Variants in PDCD7 observed in about 807,000 individuals in gnomAD.
PDCD7 encodes the protein programmed cell death 7, also known as programmed cell death protein 7.
In PDCD7, 40 loss-of-function variants were observed where a neutral mutation model predicts 42.1. That is an observed-to-expected ratio of 0.95 (90% CI 0.74 to 1.24). The LOEUF (loss-of-function observed/expected upper bound fraction) is 1.24, where lower values mean the gene tolerates loss of function less well. PDCD7 is among the 50% of genes most tolerant of loss of function. The pLI, the probability that PDCD7 is intolerant of heterozygous loss-of-function variation, is 0.00. For missense variants in PDCD7, 644 were observed against 662.8 expected (o/e 0.97, Z 0.31); for synonymous variants, 299 against 303.3 (o/e 0.99, Z 0.15).
chr15:65,121,764 G>C (rs2087456716), intron 2 of PDCD7, among the ~76,000 whole-genome samples: 1 of 152,170 alleles, frequency 6.6e-6, no homozygotes, highest in South Asian at 2.1e-4. Flanking sequence ...AAGAATTACT[G>C]CTAATTTTTT....
intron 2 of PDCD7, among the ~76,000 whole-genome samples, chr15:65,125,668 A>G (rs1440766274): frequency 6.6e-6 from 1 of 152,212 alleles, no homozygotes; most frequent in Non-Finnish European, 1.5e-5. Context: ...TAAGTACTTT[A>G]CACATATTTA....
intron 4 of PDCD7, 157 bp downstream of exon 4, chr15:65,119,219 T>C (rs1322431672): frequency 1.2e-5 from 7 of 581,794 alleles, no homozygotes; most frequent in Admixed American, 6.2e-5. Flanking sequence ...TGCAGCATCC[T>C]TGAAACATGG....
chr15:65,133,741 G>A lies in PDCD7; in HGVS notation c.41C>T (p.Pro14Leu), dbSNP rs921722237. 4.9e-5 allele frequency: 65 copies of A among 1,320,588 alleles called. No individual in the cohort carries two copies. Among genetic ancestry groups the A allele is most frequent in the Non-Finnish European group, 6.0e-5 (62 of 1,031,808 alleles). The allele number at this position is 1,320,588 out of a possible 1,614,324, so 81.8% of individuals were successfully genotyped here. ...PPFFGQGRPG[P>L]PPPQPPPPAP... is the part of the protein sequence containing the mutation. ...AGGAGGCGGCGGCTGCGGGGGCGGTGGGCCTGGGCGACCCTGGCCGAAGAA... is the reference window on the plus strand; with the variant it reads ...AGGAGGCGGCGGCTGCGGGGGCGGTAGGCCTGGGCGACCCTGGCCGAAGAA... Residue 14 changes from proline (P) to leucine (L), a missense_variant, in exon 1 of 5, where the codon CCA becomes CTA. Transcript: ENST00000204549.
chr15:65,122,351 TA>T (rs964295581), intron 2 of PDCD7, among the ~76,000 whole-genome samples: 37 of 148,532 alleles, frequency 2.5e-4, no homozygotes, highest in African/African-American at 8.4e-4. Context: ...AAAATAAATT[TA>T]AAAAAAAAGA....
rs184190840 is a variant in PDCD7, at chr15:65,132,175, T to C, written c.870+737A>G. 2.4e-4 allele frequency among the ~76,000 whole-genome samples: 36 copies of C among 150,858 alleles called. No homozygotes were observed. In the East Asian group the frequency reaches 6.8e-3, roughly 29 times the overall value. ...TGCTCCGAAACACCATTGCTGAACCTGGGGATACATGGTTTAAAACTTGTA... is the reference window on the plus strand; with the variant it reads ...TGCTCCGAAACACCATTGCTGAACCCGGGGATACATGGTTTAAAACTTGTA... On this transcript the variant is annotated intron_variant, in intron 1 of 4. Transcript: ENST00000204549.
chr15:65,129,915 A>AC (rs1566973029), intron 1 of PDCD7, among the ~76,000 whole-genome samples: 1 of 84,956 alleles, frequency 1.2e-5, no homozygotes, highest in African/African-American at 4.6e-5. Context: ...GAAACTTTGT[A>AC]TTTTTTTTTT....
chr15:65,119,274 TAA>T (rs201488755), intron 4 of PDCD7, 100 bp downstream of exon 4: 90 of 572,744 alleles, frequency 1.6e-4, no homozygotes, highest in South Asian at 4.0e-4. Flanking sequence ...TTATGGAACT[TAA>T]AAAAAAAAAG....
intron 2 of PDCD7, 50 bp downstream of exon 2, chr15:65,128,982 G>C (rs376638655): frequency 1.0e-5 from 16 of 1,600,054 alleles, no homozygotes; most frequent in African/African-American, 1.3e-5. Context: ...GGAGGAGCTA[G>C]AGTAAAGAAG....
At position 65,133,224 on chromosome 15, in the gene PDCD7, C is replaced by T; in HGVS notation, c.558G>A (p.Arg186=). 1.4e-6 allele frequency: 2 copies of T among 1,380,218 alleles called. No individual in the cohort carries two copies. The highest frequency in any genetic ancestry group is 1.5e-5 in the African/African-American group (1 of 65,498). 85.5% of individuals were successfully genotyped at this position (1,380,218 alleles called of 1,614,324 possible). A position where few individuals can be genotyped will look rare whatever the true frequency, so the allele number is the denominator to read the frequency against. The stretch of plus-strand genomic sequence containing the variant: ...GGGCCTGGCTCAGGCCGCGCAGCCG[C>T]CGCACCAGGCGCAGAGCCCGGAGCA... ...ARLLRALRLV[R]RLRGLSQALR... The change falls in exon 1 of 5, where the codon CGG becomes CGA. Residue 186 remains arginine, a synonymous_variant. Coordinates refer to ENST00000204549, the MANE Select transcript of PDCD7 (RefSeq NM_005707.2).
At position 65,133,615 on chromosome 15, in the gene PDCD7, AGGAAG is replaced by A; in HGVS notation, c.162_166del (p.Phe55SerfsTer68). The A allele has an allele frequency of 8.0e-7, 1 of 1,243,254 alleles. No individual in the cohort carries two copies. Among genetic ancestry groups the A allele is most frequent in the Non-Finnish European group, 1.0e-6 (1 of 991,924 alleles). The allele number at this position is 1,243,254 out of a possible 1,614,324, so 77.0% of individuals were successfully genotyped here. ...GGGCTGCAGAGCCAGCGGAGGCTGA[AGGAAG>A]GGGGCGGAGGCCCCCGGAAAAGGGC... On this transcript the variant is annotated frameshift_variant, in exon 1 of 5. Transcript: ENST00000204549. LOFTEE classifies it high-confidence loss of function.
At position 65,133,440 on chromosome 15, in the gene PDCD7, C is replaced by G. The variant is rs1268426744; in HGVS notation, c.342G>C (p.Pro114=). The G allele has an allele frequency of 1.7e-6, 2 of 1,191,086 alleles. No individual in the cohort carries two copies. Among genetic ancestry groups the G allele is most frequent in the Admixed American group, 4.5e-5 (1 of 22,168 alleles). 73.8% of individuals were successfully genotyped at this position (1,191,086 alleles called of 1,614,324 possible). Residue 114 remains proline, a synonymous_variant, in exon 1 of 5, where the codon CCG becomes CCC. Transcript: ENST00000204549. ...GERPRPPPPG[P]GPPWSPRWPE... ...GCCACCGCGGGCTCCAGGGCGGCCC[C>G]GGGCCGGGAGGCGGTGGCCGCGGCC...
intron 2 of PDCD7, among the ~76,000 whole-genome samples, chr15:65,127,057 C>A (rs1007217384): frequency 2.0e-5 from 3 of 152,196 alleles, no homozygotes; most frequent in Non-Finnish European, 4.4e-5. Flanking sequence ...CCATACTACC[C>A]GTGCCCAATA....
rs1268064161 is a variant in PDCD7 at position 65,133,662 on chromosome 15, AGGCGGCGGGAAAGCCGGGGAGGGCAGC to A, written c.93_119del (p.Ser34_Pro42del). 2 of 1,263,390 alleles carry A rather than the reference AGGCGGCGGGAAAGCCGGGGAGGGCAGC, an allele frequency of 1.6e-6. No homozygotes were observed. Among genetic ancestry groups the A allele is most frequent in the Non-Finnish European group, 2.0e-6 (2 of 999,410 alleles). 78.3% of individuals were successfully genotyped at this position (1,263,390 alleles called of 1,614,324 possible). ...GAAAAGGGCCGGGCCGCTGGGGGAG[AGGCGGCGGGAAAGCCGGGGAGGGCAGC>A]GGCGGTGGCGGACAGCCGAAAGGAG... On this transcript the variant is annotated inframe_deletion, in exon 1 of 5. Coordinates refer to ENST00000204549, the MANE Select transcript of PDCD7 (RefSeq NM_005707.2).
rs771206606 is a variant in PDCD7, at chr15:65,119,903, C to T, written c.1061G>A (p.Arg354Gln). 1.1e-5 allele frequency: 17 copies of T among 1,613,994 alleles called. No individual in the cohort carries two copies. The highest frequency in any genetic ancestry group is 4.0e-5 in the African/African-American group (3 of 74,918). The change falls in exon 3 of 5, where the codon CGA becomes CAA. Residue 354 changes from arginine to glutamine, a missense_variant. Coordinates refer to ENST00000204549, the MANE Select transcript of PDCD7 (RefSeq NM_005707.2). ...GCGCTTTTTAATGAGTTTTCTCAGT[C>T]GCTGAAGATGATGCGTAAAAGTCTC... Reference protein sequence around the residue: ...ADETFTHHLQRLRKLIKKRSE... With the variant: ...ADETFTHHLQQLRKLIKKRSE...
chr15:65,123,505 A>G (rs766468220), intron 2 of PDCD7, among the ~76,000 whole-genome samples: 6 of 152,178 alleles, frequency 3.9e-5, no homozygotes, highest in Non-Finnish European at 8.8e-5. Context: ...GGTTTTAACA[A>G]TTTATGCTGC....
At chr15:65,125,520 T>C (rs943310657) in intron 2 of PDCD7, among the ~76,000 whole-genome samples, 2 of 152,142 alleles carry the variant, frequency 1.3e-5, no homozygotes, top group Admixed American at 6.5e-5. Flanking sequence ...CCCCCACCAC[T>C]CCACTGAAAT....
In PDCD7 at chr15:65,118,574, A is replaced by G; in HGVS notation, c.*143T>C. ...GGCACCTCTGGCCAGCACAGAGCAC[A>G]GAAGGAAAGCATAACTTCAGGGTAG... On this transcript the variant is annotated 3_prime_UTR_variant, in exon 5 of 5. Coordinates refer to ENST00000204549, the MANE Select transcript of PDCD7 (RefSeq NM_005707.2). 2.4e-6 allele frequency: 2 copies of G among 828,464 alleles called. No individual in the cohort carries two copies. The highest frequency in any genetic ancestry group is 1.8e-5 in the African/African-American group (1 of 56,894). The allele number at this position is 828,464 out of a possible 1,614,324, so 51.3% of individuals were successfully genotyped here. A position where few individuals can be genotyped will look rare whatever the true frequency, so the allele number is the denominator to read the frequency against.
chr15:65,129,205 T>C (rs780417490), intron 1 of PDCD7, 35 bp from the exon 2 acceptor site: 3 of 1,610,384 alleles, frequency 1.9e-6, no homozygotes, highest in Non-Finnish European at 2.5e-6. Flanking sequence ...GACCTCGTAT[T>C]AGGAACAAAC....
At chr15:65,131,480 G>A (rs1330079786) in intron 1 of PDCD7, among the ~76,000 whole-genome samples, 1 of 152,214 alleles carries the variant, frequency 6.6e-6, no homozygotes, top group East Asian at 1.9e-4. Flanking sequence ...CAGGTGCAGT[G>A]GCTCACGCCT....
Sources: gnomAD v4.1 joint callset for allele counts (sites outside exome capture counted in the v4.1 genomes callset) on GRCh38, gnomAD v4.1.1 for gene constraint, MANE v1.5 for transcripts, NCBI Gene and HGNC (gene_info 2026-07-23, HGNC 2026-07-21) for gene names.